The following TIMM44 variants were observed in gnomAD, a reference collection of about 807,000 sequenced individuals.
TIMM44 encodes the protein mitochondrial import inner membrane translocase subunit TIM44.
A neutral mutation model predicts 63.8 loss-of-function variants in TIMM44; 37 were observed. The ratio of observed to expected loss-of-function variants is 0.58; its 90% CI spans 0.45 to 0.76. TIMM44 has a LOEUF of 0.76. TIMM44 is among the 30% of genes least tolerant of loss of function. The pLI is 0.00. For missense variants in TIMM44, 573 were observed against 603.8 expected, an observed-to-expected ratio of 0.95 and a Z score of 0.54; for synonymous variants, 239 against 245.1, an observed-to-expected ratio of 0.98 and a Z score of 0.23.
intron 2 of TIMM44, 143 bp downstream of exon 2, chr19:7,940,959 A>T: frequency 1.4e-6 from 1 of 708,640 alleles, no homozygotes; most frequent in Non-Finnish European, 2.5e-6. Context: ...GGGATCTGTC[A>T]TTCTGAAAGC....
chr19:7,930,972 G>A (rs571007576), intron 10 of TIMM44, among the ~76,000 whole-genome samples, 166 bp downstream of exon 10: 1 of 152,060 alleles, frequency 6.6e-6, no homozygotes, highest in East Asian at 1.9e-4. Flanking sequence ...GAAAGGGGCA[G>A]GGGGGGATGT....
intron 12 of TIMM44, 162 bp downstream of exon 12, chr19:7,927,495 C>T (rs1983847221): frequency 2.0e-6 from 2 of 1,020,132 alleles, no homozygotes; most frequent in African/African-American, 1.6e-5. Flanking sequence ...CTGCTGGTCT[C>T]CGACCTCCCT....
chr19:7,935,225 G>A (rs1434853633), intron 3 of TIMM44, 80 bp from the exon 4 acceptor site: 1 of 1,252,376 alleles, frequency 8.0e-7, no homozygotes, highest in Non-Finnish European at 1.1e-6. Context: ...GAGTACAGTG[G>A]CACGCTCTCG....
At position 7,933,467 on chromosome 19, in the gene TIMM44, C is replaced by T; in HGVS notation, c.769+18G>A. On this transcript the variant is annotated intron_variant, in intron 7 of 12. Transcript: ENST00000270538. The surrounding 1 kb of genome is among the most constrained non-coding windows in gnomAD (Gnocchi z 4.3). ...GCCCGGGACACAGTCACCTGCCCTC[C>T]AAGACACCTTCACTCACGGTTAAAC... 6.2e-7 allele frequency: 1 copy of T among 1,612,490 alleles called. No homozygotes were observed. The highest frequency in any genetic ancestry group is 1.1e-5 in the South Asian group (1 of 91,066).
Position 7,934,360 on chromosome 19 carries a change from C to T in TIMM44, c.394-122G>A. 1.5e-6 allele frequency: 2 copies of T among 1,327,544 alleles called. No individual in the cohort carries two copies. The highest frequency in any genetic ancestry group is 1.1e-6 in the Non-Finnish European group (1 of 941,218). 82.2% of individuals were successfully genotyped at this position (1,327,544 alleles called of 1,614,324 possible). A position where few individuals can be genotyped will look rare whatever the true frequency, so the allele number is the denominator to read the frequency against. ...TCTGGTTCCCCGAGGCCGGCAGAGG[C>T]CTTCTGTGCTCCTGTGGTACGCGGC... On this transcript the variant is annotated intron_variant, in intron 4 of 12. Transcript: ENST00000270538. This position sits in a 1 kb window ranked among gnomAD's most constrained non-coding sequence, Gnocchi z 5.3.
intron 2 of TIMM44, among the ~76,000 whole-genome samples, chr19:7,938,435 A>G (rs958948151): frequency 3.9e-5 from 6 of 152,188 alleles, no homozygotes; most frequent in Non-Finnish European, 8.8e-5. Flanking sequence ...ATGAGCTCTC[A>G]GCCACTTTAG....
At chr19:7,929,693 C>T (rs1009015279) in intron 10 of TIMM44, among the ~76,000 whole-genome samples, 1 of 150,848 alleles carries the variant, frequency 6.6e-6, no homozygotes, top group Non-Finnish European at 1.5e-5. Flanking sequence ...CTCCCAGCCC[C>T]CCCCCAGTCA....
At chr19:7,937,105 A>AAACAAC (rs375908343) in intron 3 of TIMM44, among the ~76,000 whole-genome samples, 1 of 151,400 alleles carries the variant, frequency 6.6e-6, no homozygotes, top group Non-Finnish European at 1.5e-5. Context: ...CTGCTTCAAA[A>AAACAAC]AACAACAACA....
intron 2 of TIMM44, among the ~76,000 whole-genome samples, chr19:7,939,988 A>C (rs1191910919): frequency 6.6e-6 from 1 of 152,166 alleles, no homozygotes; most frequent in Non-Finnish European, 1.5e-5. Context: ...CCTGTGGTCA[A>C]CTTTTCCACA....
intron 1 of TIMM44, 104 bp from the exon 2 acceptor site, chr19:7,941,301 A>AG: frequency 1.5e-6 from 1 of 666,868 alleles, no homozygotes; most frequent in East Asian, 3.0e-5. Flanking sequence ...CTCACTGGCC[A>AG]TTTTTTTTTT....
chr19:7,932,979 C>T, intron 7 of TIMM44, 47 bp from the exon 8 acceptor site: 1 of 1,489,320 alleles, frequency 6.7e-7, no homozygotes, highest in Non-Finnish European at 9.4e-7. Context: ...CTTCCAGAAA[C>T]ACAACCCTCC....
Position 7,934,968 on chromosome 19 carries a change from A to C in TIMM44, c.393+97T>G. On this transcript the variant is annotated intron_variant, in intron 4 of 12. Transcript: ENST00000270538. This position sits in a 1 kb window ranked among gnomAD's most constrained non-coding sequence, Gnocchi z 5.3. ...ACGCCCCATGCCACCCACTGCTGCCAAGCCACCCCCACCCAGGAGCCGACT... is the reference window on the plus strand; with the variant it reads ...ACGCCCCATGCCACCCACTGCTGCCCAGCCACCCCCACCCAGGAGCCGACT... The C allele has an allele frequency of 8.4e-7, 1 of 1,197,310 alleles. No individual in the cohort carries two copies. The highest frequency in any genetic ancestry group is 1.2e-6 in the Non-Finnish European group (1 of 826,898). 74.2% of individuals were successfully genotyped at this position (1,197,310 alleles called of 1,614,324 possible).
chr19:7,928,225 C>G, intron 10 of TIMM44, 59 bp from the exon 11 acceptor site: 2 of 1,440,632 alleles, frequency 1.4e-6, no homozygotes. Context: ...CCACGCCACA[C>G]AGAGCTGCTG....
chr19:7,932,498 A>G, intron 9 of TIMM44, 129 bp downstream of exon 9: 1 of 1,359,276 alleles, frequency 7.4e-7, no homozygotes, highest in Non-Finnish European at 1.0e-6. Flanking sequence ...CCCGTGTGCA[A>G]CCAGCCTCCT....
chr19:7,932,485 G>C (rs1984014066), intron 9 of TIMM44, 142 bp downstream of exon 9: 3 of 1,200,092 alleles, frequency 2.5e-6, no homozygotes, highest in Non-Finnish European at 3.5e-6. Context: ...AGCCGGGCAG[G>C]AGCCCGTGTG....
rs1384651803 is a variant in TIMM44 at position 7,941,170 on chromosome 19, G to A, written c.73C>T (p.Leu25Phe). Residue 25 changes from leucine (L) to phenylalanine (F), a missense_variant, in exon 2 of 13, where the codon CTT (leucine) becomes TTT (phenylalanine). Coordinates refer to ENST00000270538, the MANE Select transcript of TIMM44 (RefSeq NM_006351.4). ...RRCLGSGIQF[L>F]SSHNLPHGST... Reference sequence around the variant, plus strand: ...CCATGGGGTAGGTTGTGGCTGGAAAGAAATTGGATTCCACTGCCGAGGCAT... The same window carrying A: ...CCATGGGGTAGGTTGTGGCTGGAAAAAAATTGGATTCCACTGCCGAGGCAT... 5.0e-6 allele frequency: 8 copies of A among 1,614,018 alleles called. No individual in the cohort carries two copies. The African/African-American group carries it at 8.0e-5, about 16-fold the overall frequency.
At chr19:7,941,787 G>A (rs1984319613) in intron 1 of TIMM44, among the ~76,000 whole-genome samples, 1 of 152,120 alleles carries the variant, frequency 6.6e-6, no homozygotes, top group South Asian at 2.1e-4. Context: ...GGGGGAAGAA[G>A]GCTAAATGTA....
chr19:7,935,109 C>A lies in TIMM44; in HGVS notation c.349G>T (p.Val117Leu), dbSNP rs1382929315. Residue 117 changes from valine to leucine, a missense_variant, in exon 4 of 13, where the codon GTG (valine) becomes TTG (leucine). Val to Leu is a conservative substitution (Grantham distance 32). Transcript: ENST00000270538. The part of the protein sequence containing the change: ...IESETVRTSE[V>L]LRKKLGELTG... Reference sequence around the variant, plus strand: ...AGCTCCCCAAGCTTCTTCCGTAGCACCTCGCTCGTCCGCACGGTTTCTGAC... The same window carrying A: ...AGCTCCCCAAGCTTCTTCCGTAGCAACTCGCTCGTCCGCACGGTTTCTGAC... 6.2e-7 allele frequency: 1 copy of A among 1,613,876 alleles called. No homozygotes were observed. Among genetic ancestry groups the A allele is most frequent in the Admixed American group, 1.7e-5 (1 of 59,998 alleles).
rs377052883 is a variant in TIMM44, at chr19:7,927,781, G to A, written c.1129-14C>T. 1.9e-4 allele frequency: 305 copies of A among 1,606,450 alleles called. No homozygotes were observed. The highest frequency in any genetic ancestry group is 2.3e-4 in the Non-Finnish European group (276 of 1,178,244). ...GCCCATGGCCAGCTGCAGAGGGGCC[G>A]AGAGGGGGGATGTGCCTCAGAGGAC... On this transcript the variant is annotated splice_polypyrimidine_tract_variant and intron_variant, in intron 11 of 12. Transcript: ENST00000270538.
Sources: allele counts gnomAD v4.1 joint callset (sites outside exome capture counted in the v4.1 genomes callset), GRCh38; gene constraint gnomAD v4.1.1; non-coding constraint Gnocchi (gnomAD v3.1); transcripts MANE v1.5; gene names NCBI Gene and HGNC (gene_info 2026-07-23, HGNC 2026-07-21).